STX8: variants seen among roughly 807,000 people sequenced by gnomAD.
The protein encoded by STX8 is syntaxin 8, also known as syntaxin-8.
STX8 carries 23 observed loss-of-function variants against 37.5 expected under a neutral mutation model. That is an observed-to-expected ratio of 0.61 (90% CI 0.44 to 0.87). The LOEUF (loss-of-function observed/expected upper bound fraction) is 0.87. STX8 is among the 40% of genes least tolerant of loss of function. The probability of loss-of-function intolerance (pLI) is 0.00; values close to 1 mark genes in which losing one functional copy is unlikely to be tolerated. For synonymous variants in STX8, 115 were observed against 99.1 expected (o/e 1.16, Z -0.95); for missense variants, 313 against 284.7 (o/e 1.10, Z -0.71).
chr17:9,459,104 T>C (rs900298572), intron 6 of STX8, among the ~76,000 whole-genome samples: 1 of 152,146 alleles, frequency 6.6e-6, no homozygotes, highest in Non-Finnish European at 1.5e-5. Flanking sequence ...AGTGCTCGAA[T>C]TACAGGCGTG....
chr17:9,317,617 T>A (rs1909427480), intron 7 of STX8, among the ~76,000 whole-genome samples: 1 of 151,768 alleles, frequency 6.6e-6, no homozygotes, highest in African/African-American at 2.4e-5. Context: ...TACAAAAAAA[T>A]TAGCTGGGCA....
intron 7 of STX8, among the ~76,000 whole-genome samples, chr17:9,344,769 G>C (rs1219699538): frequency 6.9e-6 from 1 of 145,626 alleles, no homozygotes; most frequent in Non-Finnish European, 1.5e-5. Flanking sequence ...ATTTCCTGGT[G>C]ATATTTTTAA....
intron 7 of STX8, among the ~76,000 whole-genome samples, chr17:9,301,823 T>C (rs1908800165): frequency 6.6e-6 from 1 of 152,146 alleles, no homozygotes; most frequent in Admixed American, 6.6e-5. Flanking sequence ...ACTAGATTTA[T>C]TTTGCTATTG....
At chr17:9,397,287 T>C (rs1237842081) in intron 6 of STX8, among the ~76,000 whole-genome samples, 3 of 152,086 alleles carry the variant, frequency 2.0e-5, no homozygotes, top group Non-Finnish European at 4.4e-5. Context: ...TCTCAGCTAC[T>C]CAGGAGGCTG....
intron 7 of STX8, among the ~76,000 whole-genome samples, chr17:9,333,135 A>T (rs1910015302): frequency 6.6e-6 from 1 of 152,164 alleles, no homozygotes; most frequent in Non-Finnish European, 1.5e-5. Context: ...AGGTACATAT[A>T]CAGATTTGTC....
intron 7 of STX8, among the ~76,000 whole-genome samples, chr17:9,304,507 C>CAAAAAAA (rs35673905): frequency 9.0e-3 from 484 of 53,730 alleles, no homozygotes; most frequent in East Asian, 0.011. Context: ...GAAACTGTCT[C>CAAAAAAA]AAAAAAAAAA....
chr17:9,427,181 T>C (rs1260859027), intron 6 of STX8, among the ~76,000 whole-genome samples: 1 of 152,160 alleles, frequency 6.6e-6, no homozygotes, highest in East Asian at 1.9e-4. Flanking sequence ...GATGCCCAAA[T>C]ACATGTTCCC....
At chr17:9,252,385 A>C (rs56088438) in intron 7 of STX8, among the ~76,000 whole-genome samples, 80,943 of 151,294 alleles carry the variant, frequency 0.54, 22,344 homozygotes, top group Non-Finnish European at 0.6. Context: ...CGGAGCTTGC[A>C]GTGAGCCGAG....
chr17:9,363,867 C>T (rs1018927045), intron 7 of STX8, among the ~76,000 whole-genome samples: 2 of 151,810 alleles, frequency 1.3e-5, no homozygotes, highest in African/African-American at 4.8e-5. Context: ...GGTGATAGCT[C>T]TGAGCCTGTC....
At chr17:9,289,809 A>C (rs1597586396) in intron 7 of STX8, among the ~76,000 whole-genome samples, 1 of 152,182 alleles carries the variant, frequency 6.6e-6, no homozygotes, top group East Asian at 1.9e-4. Context: ...AAAACACACA[A>C]AGGGAAAAAT....
intron 5 of STX8, among the ~76,000 whole-genome samples, chr17:9,502,729 C>T (rs189098430): frequency 1.1e-4 from 17 of 152,116 alleles, no homozygotes; most frequent in Admixed American, 7.9e-4. Context: ...AACTGAAAAC[C>T]ACCCAAATAT....
chr17:9,376,306 C>G (rs1187748538), intron 7 of STX8, among the ~76,000 whole-genome samples: 1 of 152,054 alleles, frequency 6.6e-6, no homozygotes, highest in Non-Finnish European at 1.5e-5. Flanking sequence ...AACACACCAA[C>G]CAGCATGCTG....
intron 4 of STX8, among the ~76,000 whole-genome samples, chr17:9,537,211 G>A (rs112080585): frequency 5.5e-4 from 84 of 152,310 alleles, no homozygotes; most frequent in African/African-American, 1.9e-3. Context: ...AATAATTAGC[G>A]AGGCAGAGAC....
chr17:9,270,094 T>C (rs1301326240), intron 7 of STX8, among the ~76,000 whole-genome samples: 5 of 152,244 alleles, frequency 3.3e-5, no homozygotes, highest in Non-Finnish European at 7.3e-5. Context: ...CCAATGTCTG[T>C]GTCTCCTCTC....
chr17:9,501,858 A>C (rs1324512290), intron 5 of STX8, among the ~76,000 whole-genome samples: 2 of 151,726 alleles, frequency 1.3e-5, no homozygotes, highest in African/African-American at 4.9e-5. Context: ...AGTCCCAGCT[A>C]CTCGGGAGGC....
intron 7 of STX8, among the ~76,000 whole-genome samples, chr17:9,310,688 T>G (rs989607647): frequency 1.3e-5 from 2 of 152,016 alleles, no homozygotes; most frequent in African/African-American, 4.8e-5. Context: ...CTGTTCTCAT[T>G]TGATTTATAG....
intron 6 of STX8, among the ~76,000 whole-genome samples, chr17:9,407,000 T>C (rs1912824637): frequency 6.6e-6 from 1 of 152,176 alleles, no homozygotes; most frequent in South Asian, 2.1e-4. Flanking sequence ...TTGTTCATAC[T>C]ATTCAGAGGT....
At chr17:9,545,123 AAAG>A (rs1414511381) in intron 4 of STX8, 46 bp downstream of exon 4, 1 of 1,282,524 alleles carries the variant, frequency 7.8e-7, no homozygotes, top group African/African-American at 1.5e-5. Context: ...TAGTATCTGC[AAAG>A]AAGTCTTCGC....
intron 4 of STX8, among the ~76,000 whole-genome samples, chr17:9,533,421 C>A (rs973118018): frequency 6.6e-6 from 1 of 152,134 alleles, no homozygotes; most frequent in Non-Finnish European, 1.5e-5. Flanking sequence ...GAGCCAAGAT[C>A]GTGCCACTGC....
Sources: allele counts gnomAD v4.1 joint callset (sites outside exome capture counted in the v4.1 genomes callset), GRCh38; gene constraint gnomAD v4.1.1; transcripts MANE v1.5; gene names NCBI Gene and HGNC (gene_info 2026-07-23, HGNC 2026-07-21).